PLCL2: variants seen among roughly 807,000 people sequenced by gnomAD.
The protein encoded by PLCL2 is phospholipase C like 2.
In PLCL2, 4 loss-of-function variants were observed where a neutral mutation model predicts 79.6. The ratio of observed to expected loss-of-function variants is 0.05; its 90% CI spans 0.02 to 0.11. PLCL2 has a LOEUF of 0.11. Among genes scored for constraint, PLCL2 ranks in the 10% least tolerant of loss-of-function variants. The probability of loss-of-function intolerance (pLI) is 1.00; values close to 1 mark genes in which losing one functional copy is unlikely to be tolerated. For missense variants in PLCL2, 895 were observed against 1,291.0 expected, an observed-to-expected ratio of 0.69 and a Z score of 4.70; for synonymous variants, 484 against 457.7, an observed-to-expected ratio of 1.06 and a Z score of -0.73.
intron 1 of PLCL2, among the ~76,000 whole-genome samples, chr3:16,998,292 C>A (rs763884686): frequency 2.0e-5 from 3 of 152,052 alleles, no homozygotes; most frequent in Non-Finnish European, 4.4e-5. Context: ...TAGAATTGAT[C>A]ATATTTTTCG....
chr3:17,023,145 C>G (rs2064474482), intron 3 of PLCL2, among the ~76,000 whole-genome samples: 1 of 152,166 alleles, frequency 6.6e-6, no homozygotes, highest in African/African-American at 2.4e-5. Context: ...GATTTCCCAG[C>G]TCCAACATGA....
At position 17,009,898 on chromosome 3, in the gene PLCL2, C is replaced by G; in HGVS notation, c.552C>G (p.Ala184=). The stretch of plus-strand genomic sequence containing the variant: ...CATCTAAGAAGGATTCTGAGAAAGC[C>G]AAGATTGACATTAAATCCATCAAGG... The part of the protein sequence containing the change: ...WEPSKKDSEK[A]KIDIKSIKEV... The change falls in exon 2 of 6, where the codon GCC becomes GCG. Residue 184 remains alanine (A), a synonymous_variant. Transcript: ENST00000615277. The surrounding 1 kb of genome is among the most constrained non-coding windows in gnomAD (Gnocchi z 4.0). The G allele has an allele frequency of 6.2e-7, 1 of 1,613,018 alleles. No homozygotes were observed. Among genetic ancestry groups the G allele is most frequent in the South Asian group, 1.1e-5 (1 of 91,074 alleles).
At chr3:17,056,617 A>G (rs1371942281) in intron 4 of PLCL2, among the ~76,000 whole-genome samples, 1 of 152,210 alleles carries the variant, frequency 6.6e-6, no homozygotes, top group Non-Finnish European at 1.5e-5. Flanking sequence ...TATTCTCATT[A>G]TAGGTCAGTG....
At chr3:17,006,772 A>G (rs1375271997) in intron 1 of PLCL2, among the ~76,000 whole-genome samples, 2 of 152,208 alleles carry the variant, frequency 1.3e-5, no homozygotes, top group Non-Finnish European at 2.9e-5. Flanking sequence ...AAGCATGGCA[A>G]TGTTCTTAAA....
intron 4 of PLCL2, among the ~76,000 whole-genome samples, chr3:17,047,155 G>A (rs2064788522): frequency 6.6e-6 from 1 of 152,068 alleles, no homozygotes; most frequent in Non-Finnish European, 1.5e-5. Context: ...CATAATTCTA[G>A]CAAAAATAAA....
At chr3:16,945,030 G>C (rs918131048) in intron 1 of PLCL2, among the ~76,000 whole-genome samples, 14 of 152,308 alleles carry the variant, frequency 9.2e-5, no homozygotes, top group African/African-American at 3.1e-4. Context: ...AGAGTGCTGG[G>C]ATTACAGGTG....
chr3:17,088,620 C>A (rs1055822666), intron 5 of PLCL2, among the ~76,000 whole-genome samples: 10 of 152,218 alleles, frequency 6.6e-5, no homozygotes, highest in Non-Finnish European at 1.3e-4. Flanking sequence ...GAATTGTTGG[C>A]TGATGCATTA....
At chr3:17,019,527 A>T (rs116416845) in intron 3 of PLCL2, among the ~76,000 whole-genome samples, 4,364 of 152,006 alleles carry the variant, frequency 0.029, 229 homozygotes, top group African/African-American at 0.1. Context: ...GTGTAGATGA[A>T]TGATCAATGT....
intron 4 of PLCL2, among the ~76,000 whole-genome samples, chr3:17,054,973 C>G (rs906987875): frequency 6.6e-6 from 1 of 152,150 alleles, no homozygotes; most frequent in Admixed American, 6.6e-5. Flanking sequence ...ATGTGATTCC[C>G]TGATGGCCCT....
intron 1 of PLCL2, among the ~76,000 whole-genome samples, chr3:17,007,052 G>A (rs544574080): frequency 6.6e-6 from 1 of 152,146 alleles, no homozygotes; most frequent in African/African-American, 2.4e-5. Context: ...ATATATTTTT[G>A]TAATTGTTCT....
intron 1 of PLCL2, among the ~76,000 whole-genome samples, chr3:16,971,590 T>A (rs1172543763): frequency 6.6e-6 from 1 of 152,162 alleles, no homozygotes; most frequent in African/African-American, 2.4e-5. Context: ...GTGAAGAAAG[T>A]CATTGGTAGC....
intron 1 of PLCL2, among the ~76,000 whole-genome samples, chr3:16,937,809 G>A (rs974110305): frequency 1.3e-5 from 2 of 152,094 alleles, no homozygotes; most frequent in African/African-American, 4.8e-5. Flanking sequence ...TTTTATGAAC[G>A]CTGAGAGTAT....
rs983916015 is a variant in PLCL2, at chr3:16,970,348, G to A, written c.328-39326G>A. On this transcript the variant is annotated intron_variant, in intron 1 of 5. Coordinates refer to ENST00000615277, the MANE Select transcript of PLCL2 (RefSeq NM_001144382.2). ...GTTCTTGTAATAGTTTACTGAGAAT[G>A]ATGATTTCCAATTTCATCCATGTCC... Among the ~76,000 whole-genome samples the A allele has an allele frequency of 4.0e-5, 6 of 151,616 alleles. No individual in the cohort carries two copies. The South Asian group carries it at 1.0e-3, about 26-fold the overall frequency.
At chr3:17,072,799 G>A (rs991932082) in intron 5 of PLCL2, among the ~76,000 whole-genome samples, 1 of 151,844 alleles carries the variant, frequency 6.6e-6, no homozygotes, top group African/African-American at 2.4e-5. Context: ...CATGTCACTT[G>A]AAGTTCAGTA....
chr3:16,933,837 G>C (rs552071304), intron 1 of PLCL2, among the ~76,000 whole-genome samples: 6 of 152,206 alleles, frequency 3.9e-5, no homozygotes, highest in Admixed American at 1.3e-4. Flanking sequence ...GGAGGCTGAG[G>C]GGGGCAGATC....
chr3:17,052,262 G>C (rs113515122), intron 4 of PLCL2, among the ~76,000 whole-genome samples: 3 of 150,470 alleles, frequency 2.0e-5, no homozygotes, highest in Admixed American at 6.6e-5. Flanking sequence ...AATTGGGGGG[G>C]GGTGAAGGTC....
At chr3:16,976,824 A>G (rs1414067779) in intron 1 of PLCL2, among the ~76,000 whole-genome samples, 1 of 152,156 alleles carries the variant, frequency 6.6e-6, no homozygotes, top group African/African-American at 2.4e-5. Flanking sequence ...CCATTGGCCC[A>G]CACTAGGGTG....
At position 17,062,982 on chromosome 3, in the gene PLCL2, G is replaced by A. The variant is rs549592687; in HGVS notation, c.3095-4974G>A. Among the ~76,000 whole-genome samples, 6 of 151,856 alleles carry A rather than the reference G, an allele frequency of 4.0e-5. No homozygotes were observed. The East Asian group carries it at 1.2e-3, about 30-fold the overall frequency. ...AGTGTCTGCCTGGTGGCTTTCCATAGGTCCAGCAGGCAATGCTCTGGCCAC... is the reference window on the plus strand; with the variant it reads ...AGTGTCTGCCTGGTGGCTTTCCATAAGTCCAGCAGGCAATGCTCTGGCCAC... On this transcript the variant is annotated intron_variant, in intron 4 of 5. Transcript: ENST00000615277.
rs2063793246 is a variant in PLCL2, at chr3:16,965,080, C to T, written c.328-44594C>T. On this transcript the variant is annotated intron_variant, in intron 1 of 5. Transcript: ENST00000615277. ...TTGCCATTGCTTTTGGTGTTTTAGA[C>T]ATGAAGTCCTTGCCCATGCCTATGT... Among the ~76,000 whole-genome samples the T allele has an allele frequency of 2.0e-5, 3 of 151,866 alleles. No individual in the cohort carries two copies. In the South Asian group the frequency reaches 6.3e-4, roughly 32 times the overall value.
Sources: allele counts gnomAD v4.1 joint callset (sites outside exome capture counted in the v4.1 genomes callset), GRCh38; gene constraint gnomAD v4.1.1; non-coding constraint Gnocchi (gnomAD v3.1); transcripts MANE v1.5; gene names NCBI Gene and HGNC (gene_info 2026-07-23, HGNC 2026-07-21).